MALRD1: variants seen among roughly 807,000 people sequenced by gnomAD.
The protein encoded by MALRD1 is MAM and LDL-receptor class A domain-containing protein 1.
Under a neutral mutation model 242.1 loss-of-function variants are expected in MALRD1, and 247 were observed. The observed-to-expected ratio is 1.02, with a 90% CI of 0.92 to 1.13. MALRD1 has a LOEUF of 1.13. MALRD1 is among the 50% of genes most tolerant of loss of function. The probability of loss-of-function intolerance (pLI) is 0.00; values close to 1 mark genes in which losing one functional copy is unlikely to be tolerated. For synonymous variants in MALRD1, 995 were observed against 866.6 expected (o/e 1.15, Z -2.60); for missense variants, 2,989 against 2,533.1 (o/e 1.18, Z -3.86).
chr10:19,498,861 T>C (rs80031457), intron 31 of MALRD1, among the ~76,000 whole-genome samples: 1 of 152,170 alleles, frequency 6.6e-6, no homozygotes, highest in African/African-American at 2.4e-5. Flanking sequence ...TCATGACTCA[T>C]ATTTTAAGAG....
intron 14 of MALRD1, among the ~76,000 whole-genome samples, chr10:19,198,298 G>A (rs536484677): frequency 6.6e-6 from 1 of 152,274 alleles, no homozygotes; most frequent in South Asian, 2.1e-4. Flanking sequence ...CAACATATTT[G>A]CATTGGTTCT....
intron 33 of MALRD1, among the ~76,000 whole-genome samples, chr10:19,569,661 GTATTATTATATATTA>G (rs984126237): frequency 1.4e-4 from 21 of 146,330 alleles, no homozygotes; most frequent in Admixed American, 2.8e-4. Context: ...ATTATAAAAT[GTATTATTATATATTA>G]TATTATTATA....
chr10:19,199,757 C>T (rs1208400705), intron 14 of MALRD1, among the ~76,000 whole-genome samples: 1 of 151,842 alleles, frequency 6.6e-6, no homozygotes, highest in Non-Finnish European at 1.5e-5. Flanking sequence ...GCTGAGATCG[C>T]ACCACTGCAC....
In MALRD1 at chr10:19,587,661, G is replaced by A. The variant is rs74399980; in HGVS notation, c.5681-7533G>A. Among the ~76,000 whole-genome samples the A allele has an allele frequency of 6.8e-3, 1,035 of 152,302 alleles. 15 individuals are homozygous for A. The highest frequency in any genetic ancestry group is 0.024 in the African/African-American group (989 of 41,568). On this transcript the variant is annotated intron_variant, in intron 33 of 39. Transcript: ENST00000454679. ...CATTAAATGAACAATGAAACTTAAC[G>A]TCTTGTGGGAGGGCAAAGAAACACC...
At chr10:19,164,417 A>G (rs1346735571) in intron 12 of MALRD1, among the ~76,000 whole-genome samples, 1 of 152,212 alleles carries the variant, frequency 6.6e-6, no homozygotes, top group Non-Finnish European at 1.5e-5. Flanking sequence ...TGAATGGGAA[A>G]ACATTTTTTA....
At chr10:19,395,536 C>T (rs557962074) in intron 28 of MALRD1, among the ~76,000 whole-genome samples, 2 of 152,190 alleles carry the variant, frequency 1.3e-5, no homozygotes, top group South Asian at 4.1e-4. Context: ...TCTCAGTGAG[C>T]AAAGGGATGA....
chr10:19,252,422 G>A (rs374333132), intron 18 of MALRD1, among the ~76,000 whole-genome samples: 46 of 152,124 alleles, frequency 3.0e-4, no homozygotes, highest in African/African-American at 1.0e-3. Flanking sequence ...TGCCTAAGTA[G>A]ACACTCATTT....
chr10:19,138,432 T>TA (rs1376909285), intron 10 of MALRD1, among the ~76,000 whole-genome samples: 3 of 150,746 alleles, frequency 2.0e-5, no homozygotes, highest in African/African-American at 4.9e-5. Context: ...ATTTTTTTTT[T>TA]TTTTTGGGGA....
intron 19 of MALRD1, among the ~76,000 whole-genome samples, chr10:19,264,247 T>C (rs2131827715): frequency 6.6e-6 from 1 of 152,308 alleles, no homozygotes; most frequent in East Asian, 1.9e-4. Flanking sequence ...TTAATTTTCA[T>C]ATGTTGAACC....
At chr10:19,281,803 C>G (rs113571445) in intron 20 of MALRD1, among the ~76,000 whole-genome samples, 11,841 of 151,982 alleles carry the variant, frequency 0.078, 724 homozygotes, top group Admixed American at 0.2. Context: ...AAAACCCCAT[C>G]TCTACAAAAA....
At chr10:19,576,435 A>G (rs1048125425) in intron 33 of MALRD1, among the ~76,000 whole-genome samples, 21 of 152,218 alleles carry the variant, frequency 1.4e-4, no homozygotes, top group African/African-American at 4.8e-4. Context: ...GTGCCAAATT[A>G]TAATATTAAC....
intron 35 of MALRD1, among the ~76,000 whole-genome samples, chr10:19,610,610 G>C (rs963454991): frequency 2.0e-5 from 3 of 151,986 alleles, no homozygotes; most frequent in African/African-American, 7.2e-5. Flanking sequence ...ATCTGGGACA[G>C]TACATAAATG....
intron 14 of MALRD1, among the ~76,000 whole-genome samples, chr10:19,202,547 A>G (rs920416097): frequency 6.6e-6 from 1 of 152,136 alleles, no homozygotes; most frequent in East Asian, 1.9e-4. Context: ...ATAATTTTAA[A>G]TTTTGTAATC....
intron 13 of MALRD1, among the ~76,000 whole-genome samples, chr10:19,171,953 GTATATATCACATATA>G (rs1448287994): frequency 9.1e-6 from 1 of 109,602 alleles, no homozygotes; most frequent in African/African-American, 3.3e-5. Context: ...TATAATATAT[GTATATATCACATATA>G]TGTGATATAT....
At chr10:19,054,890 A>G (rs1483642080) in intron 1 of MALRD1, among the ~76,000 whole-genome samples, 1 of 152,114 alleles carries the variant, frequency 6.6e-6, no homozygotes, top group Non-Finnish European at 1.5e-5. Context: ...CAATAAACTG[A>G]TTTTCTCTTC....
intron 38 of MALRD1, among the ~76,000 whole-genome samples, chr10:19,729,871 G>GCA (rs1835212714): frequency 6.6e-6 from 1 of 151,006 alleles, no homozygotes; most frequent in Admixed American, 6.6e-5. Context: ...CAAGTAGCTG[G>GCA]GACTACAGGC....
chr10:19,698,019 G>A (rs1833455933), intron 38 of MALRD1, among the ~76,000 whole-genome samples: 1 of 152,142 alleles, frequency 6.6e-6, no homozygotes, highest in Non-Finnish European at 1.5e-5. Context: ...AGATGTAAAT[G>A]CCTTCAAGTC....
chr10:19,565,144 G>C (rs1012486979), intron 32 of MALRD1, among the ~76,000 whole-genome samples: 28 of 152,184 alleles, frequency 1.8e-4, no homozygotes, highest in African/African-American at 6.7e-4. Flanking sequence ...TTAGTGGTAG[G>C]GTCAAATAAT....
intron 18 of MALRD1, among the ~76,000 whole-genome samples, chr10:19,234,477 G>A (rs1287262678): frequency 6.6e-6 from 1 of 151,990 alleles, no homozygotes; most frequent in East Asian, 1.9e-4. Context: ...ATAGTCATTA[G>A]TTTATTTCTC....
Sources: allele counts gnomAD v4.1 joint callset (sites outside exome capture counted in the v4.1 genomes callset), GRCh38; gene constraint gnomAD v4.1.1; transcripts MANE v1.5; gene names NCBI Gene and HGNC (gene_info 2026-07-23, HGNC 2026-07-21).